The following PHGR1 variants were observed in gnomAD, a reference collection of about 807,000 sequenced individuals.
PHGR1 encodes proline, histidine and glycine-rich protein 1.
In PHGR1, 3 loss-of-function variants were observed where a neutral mutation model predicts 4.9. That is an observed-to-expected ratio of 0.61 (90% CI 0.28 to 1.58). The LOEUF is 1.58. Among genes scored for constraint, PHGR1 ranks in the 40% most tolerant of loss-of-function variants. The pLI, the probability that PHGR1 is intolerant of heterozygous loss-of-function variation, is 0.11. For missense variants in PHGR1, 81 were observed against 118.7 expected (o/e 0.68, Z 1.48); for synonymous variants, 32 against 46.1 (o/e 0.69, Z 1.24).
intron 3 of PHGR1, among the ~76,000 whole-genome samples, 172 bp downstream of exon 3, chr15:40,354,524 C>T (rs1889259941): frequency 6.6e-6 from 1 of 151,620 alleles, no homozygotes; most frequent in Admixed American, 6.6e-5. Flanking sequence ...GGCAGCGCTG[C>T]ACTCCTCCAC....
rs1889226819 is a variant in PHGR1 at position 40,352,952 on chromosome 15, G to A, written c.-26-280G>A. Reference sequence around the variant, plus strand: ...GGCAAGTGTAAGAGTATGGGGTGTAGGGGCTGGTACATGGTGCTGTTGTGT... The same window carrying A: ...GGCAAGTGTAAGAGTATGGGGTGTAAGGGCTGGTACATGGTGCTGTTGTGT... On this transcript the variant is annotated intron_variant, in intron 1 of 3. Transcript: ENST00000448599. Among the ~76,000 whole-genome samples the A allele has an allele frequency of 2.0e-5, 3 of 152,200 alleles. No individual in the cohort carries two copies. In the South Asian group the frequency reaches 6.2e-4, roughly 31 times the overall value.
At chr15:40,353,335 G>T in intron 2 of PHGR1, 68 bp downstream of exon 2, 2 of 1,546,888 alleles carry the variant, frequency 1.3e-6, no homozygotes, top group South Asian at 2.4e-5. Context: ...TAAAGGCAGG[G>T]ACTATCAGTC....
intron 2 of PHGR1, chr15:40,353,535 G>T: frequency 2.2e-6 from 1 of 459,562 alleles, no homozygotes; most frequent in Non-Finnish European, 4.0e-6. Context: ...TCAAGGCCCA[G>T]GGGAGCTAGG....
At chr15:40,353,130 TGTGTGTG>T in intron 1 of PHGR1, 95 bp from the exon 2 acceptor site, 1 of 874,976 alleles carries the variant, frequency 1.1e-6, no homozygotes, top group Non-Finnish European at 1.8e-6. Flanking sequence ...TGTGTGTGTG[TGTGTGTG>T]TGTGTGTGTG....
At chr15:40,352,045 T>A (rs35777573) in intron 1 of PHGR1, among the ~76,000 whole-genome samples, 17,827 of 151,958 alleles carry the variant, frequency 0.12, 1,193 homozygotes, top group Non-Finnish European at 0.16. Flanking sequence ...CCAAAAAAAA[T>A]TTTTTTAATT....
At position 40,354,372 on chromosome 15, in the gene PHGR1, G is replaced by C. The variant is rs1429490674; in HGVS notation, c.18+20G>C. On this transcript the variant is annotated intron_variant, in intron 3 of 3. Transcript: ENST00000448599. ...CCGAAGGTAGGAAAGTTCCCCCAAT[G>C]GTCTCCCCTTTTTCCTCCCACTGTC... The C allele has an allele frequency of 6.5e-7, 1 of 1,534,126 alleles. No homozygotes were observed. The highest frequency in any genetic ancestry group is 1.4e-5 in the African/African-American group (1 of 72,958).
chr15:40,356,289 G>A lies in PHGR1; in HGVS notation c.235G>A (p.Gly79Ser). 6.5e-7 allele frequency: 1 copy of A among 1,549,288 alleles called. No homozygotes were observed. The highest frequency in any genetic ancestry group is 1.2e-5 in the South Asian group (1 of 84,040). The part of the protein sequence containing the change: ...PGHGPGHPPP[G>S]PHH ...CCATGGCCCAGGTCACCCACCCCCT[G>A]GTCCACATCACTGAGGAAGTAGAAG... Residue 79 changes from glycine (G) to serine (S), a missense_variant, in exon 4 of 4, where the codon GGT becomes AGT. Transcript: ENST00000448599.
At chr15:40,353,146 T>C (rs11853293) in intron 1 of PHGR1, 86 bp from the exon 2 acceptor site, 330,649 of 746,686 alleles carry the variant, frequency 0.44, 60,539 homozygotes, top group East Asian at 0.68. Flanking sequence ...TGTGTGTGTG[T>C]GCGCGCGCGC....
chr15:40,353,451 TAC>T lies in PHGR1; in HGVS notation c.10+186_10+187del, dbSNP rs971498257. The stretch of plus-strand genomic sequence containing the variant: ...AGCCCTTACATACTGTAGAACATGT[TAC>T]AGTTTAAAAAGCATGCTTACTCATC... On this transcript the variant is annotated intron_variant, in intron 2 of 3. Transcript: ENST00000448599. 3.2e-5 allele frequency: 23 copies of T among 728,468 alleles called. No homozygotes were observed. In the African/African-American group the frequency reaches 3.6e-4, roughly 11 times the overall value. The allele number at this position is 728,468 out of a possible 1,614,324, so 45.1% of individuals were successfully genotyped here. A position where few individuals can be genotyped will look rare whatever the true frequency, so the allele number is the denominator to read the frequency against.
Position 40,353,159 on chromosome 15 carries a change from G to A in PHGR1, c.-26-73G>A, listed in dbSNP as rs533632849. ...TGTGTGTGTGTGTGCGCGCGCGCGC[G>A]CATCCGTGGGAGGGAGAAAGGAAAG... On this transcript the variant is annotated intron_variant, in intron 1 of 3. Transcript: ENST00000448599. 64 of 1,344,786 alleles carry A rather than the reference G, an allele frequency of 4.8e-5. No individual in the cohort carries two copies. In the African/African-American group the frequency reaches 8.1e-4, roughly 17 times the overall value. The allele number at this position is 1,344,786 out of a possible 1,614,324, so 83.3% of individuals were successfully genotyped here.
chr15:40,356,194 CT>C lies in PHGR1; in HGVS notation c.141del (p.Gly48AlafsTer60), dbSNP rs1388204564. 2 of 1,467,802 alleles carry C rather than the reference CT, an allele frequency of 1.4e-6. No homozygotes were observed. Among genetic ancestry groups the C allele is most frequent in the African/African-American group, 3.1e-5 (2 of 64,604 alleles). 90.9% of individuals were successfully genotyped at this position (1,467,802 alleles called of 1,614,324 possible). On this transcript the variant is annotated frameshift_variant, in exon 4 of 4. Coordinates refer to ENST00000448599, the MANE Select transcript of PHGR1 (RefSeq NM_001145643.2). LOFTEE classifies it low-confidence loss of function (END_TRUNC). ...GGTCCAGGGCCCTGCGGGCCACCCC[CT>C]GGCCATGGCCCAGGGCCCTGCGGGC... ...HHGPGPCGPP[P>X]GHGPGPCGPP... is the part of the protein sequence containing the mutation.
intron 3 of PHGR1, 84 bp from the exon 4 acceptor site, chr15:40,355,989 G>A (rs573287311): frequency 1.4e-6 from 2 of 1,387,612 alleles, no homozygotes; most frequent in African/African-American, 1.4e-5. Context: ...GAGTCCCCCA[G>A]GGAAGTGGAG....
chr15:40,354,194 T>C (rs2141255015), intron 2 of PHGR1, 151 bp from the exon 3 acceptor site: 1 of 768,446 alleles, frequency 1.3e-6, no homozygotes, highest in Non-Finnish European at 2.1e-6. Context: ...AATGAAGGAA[T>C]GATTGTCAGG....
intron 3 of PHGR1, among the ~76,000 whole-genome samples, chr15:40,355,440 TACACA>T (rs1889277514): frequency 6.6e-6 from 1 of 152,122 alleles, no homozygotes; most frequent in Non-Finnish European, 1.5e-5. Flanking sequence ...CATGCACACG[TACACA>T]AACATAGCTA....
At chr15:40,353,489 G>A in intron 2 of PHGR1, 1 of 583,442 alleles carries the variant, frequency 1.7e-6, no homozygotes, top group Non-Finnish European at 3.0e-6. Context: ...ATGTTCTTAG[G>A]TGCTTCTAAG....
chr15:40,356,360 C>T lies in PHGR1; in HGVS notation c.*57C>T. 1 of 1,549,488 alleles carries T rather than the reference C, an allele frequency of 6.5e-7. No homozygotes were observed. The highest frequency in any genetic ancestry group is 8.7e-7 in the Non-Finnish European group (1 of 1,146,364). On this transcript the variant is annotated 3_prime_UTR_variant, in exon 4 of 4. Transcript: ENST00000448599. ...AAGCCTGAGAGAATTGCCCAGCTGACCTGGAATGAGGCCTAAACCACAATC... is the reference window on the plus strand; with the variant it reads ...AAGCCTGAGAGAATTGCCCAGCTGATCTGGAATGAGGCCTAAACCACAATC...
chr15:40,353,361 G>A (rs369375786), intron 2 of PHGR1, 94 bp downstream of exon 2: 22 of 1,500,092 alleles, frequency 1.5e-5, no homozygotes, highest in East Asian at 2.5e-5. Context: ...TAACTAGTGC[G>A]TGCCAAAAAT....
chr15:40,351,218 T>C (rs538352164), intron 1 of PHGR1, among the ~76,000 whole-genome samples, 156 bp downstream of exon 1: 1 of 152,072 alleles, frequency 6.6e-6, no homozygotes, highest in African/African-American at 2.4e-5. Flanking sequence ...TGTCTGTCCA[T>C]TTGCACTGTC....
At chr15:40,352,888 A>G (rs545776150) in intron 1 of PHGR1, among the ~76,000 whole-genome samples, 3 of 152,328 alleles carry the variant, frequency 2.0e-5, no homozygotes, top group Non-Finnish European at 2.9e-5. Flanking sequence ...AATCTTCCCA[A>G]GAGGAATCGG....
Sources: gnomAD v4.1 joint callset for allele counts (sites outside exome capture counted in the v4.1 genomes callset) on GRCh38, gnomAD v4.1.1 for gene constraint, MANE v1.5 for transcripts, NCBI Gene and HGNC (gene_info 2026-07-23, HGNC 2026-07-21) for gene names.